The following C1QTNF3 variants were observed in gnomAD, a reference collection of about 807,000 sequenced individuals.
C1QTNF3 encodes C1q and TNF related 3.
Under a neutral mutation model 32.6 loss-of-function variants are expected in C1QTNF3, and 26 were observed. The observed-to-expected ratio is 0.80, with a 90% confidence interval of 0.58 to 1.11. The LOEUF (loss-of-function observed/expected upper bound fraction) is 1.11. Ranked by LOEUF, C1QTNF3 falls within the 50% of genes least tolerant of loss-of-function variation. The pLI, the probability that C1QTNF3 is intolerant of heterozygous loss-of-function variation, is 0.00. For synonymous variants in C1QTNF3, 155 were observed against 146.0 expected, an observed-to-expected ratio of 1.06 and a Z score of -0.44; for missense variants, 362 against 398.2, an observed-to-expected ratio of 0.91 and a Z score of 0.77.
At chr5:34,206,877 G>A in the C1QTNF3 span, among the ~76,000 whole-genome samples, 1 of 152,120 alleles carries the variant, frequency 6.6e-6, no homozygotes, top group African/African-American at 2.4e-5. Flanking sequence ...TTCTTGATGG[G>A]CATCTAAATG....
chr5:34,204,002 T>G, the C1QTNF3 span, among the ~76,000 whole-genome samples: 3 of 151,824 alleles, frequency 2.0e-5, no homozygotes, highest in African/African-American at 7.2e-5. Flanking sequence ...CATCCAACAC[T>G]AGACCACCAA....
chr5:34,029,341 T>C (rs1442808554), intron 3 of C1QTNF3, among the ~76,000 whole-genome samples: 3 of 152,054 alleles, frequency 2.0e-5, no homozygotes, highest in African/African-American at 7.2e-5. Flanking sequence ...GGTCTCACTA[T>C]GTTGCCTAGG....
At position 34,020,689 on chromosome 5, in the gene C1QTNF3, A is replaced by C; in HGVS notation, c.854T>G (p.Leu285Arg). The C allele has an allele frequency of 6.2e-7, 1 of 1,614,226 alleles. No homozygotes were observed. Among genetic ancestry groups the C allele is most frequent in the East Asian group, 2.2e-5 (1 of 44,884 alleles). ...DTSSNHAVLK[L>R]AKGDEVWLRM... ...CAGCCAAACCTCATCCCCTTTGGCT[A>C]GCTTCAGCACAGCATGATTGCTGGA... The change falls in exon 6 of 6, where the codon CTA becomes CGA. Residue 285 changes from leucine to arginine, a missense_variant. Leu to Arg is a moderately radical substitution (Grantham distance 102, BLOSUM62 -2). Coordinates refer to ENST00000382065, the MANE Select transcript of C1QTNF3 (RefSeq NM_181435.6).
At chr5:34,041,647 A>G (rs1013222394) in intron 1 of C1QTNF3, among the ~76,000 whole-genome samples, 1 of 152,188 alleles carries the variant, frequency 6.6e-6, no homozygotes, top group African/African-American at 2.4e-5. Flanking sequence ...GGTTTTCAAA[A>G]GATAGGATCA....
chr5:34,203,373 T>C, the C1QTNF3 span, among the ~76,000 whole-genome samples: 1 of 152,172 alleles, frequency 6.6e-6, no homozygotes, highest in African/African-American at 2.4e-5. Flanking sequence ...GAATTAAACA[T>C]TCCACTTAAA....
chr5:34,139,668 T>C, the C1QTNF3 span, among the ~76,000 whole-genome samples: 1 of 152,154 alleles, frequency 6.6e-6, no homozygotes, highest in African/African-American at 2.4e-5. Context: ...AATAAAATGA[T>C]AGAACTAATC....
the C1QTNF3 span, among the ~76,000 whole-genome samples, chr5:34,214,535 T>C: frequency 6.6e-6 from 1 of 151,870 alleles, no homozygotes; most frequent in Non-Finnish European, 1.5e-5. Flanking sequence ...TTGAATAAAC[T>C]TTTTTCATGA....
the C1QTNF3 span, among the ~76,000 whole-genome samples, chr5:34,109,722 C>T: frequency 2.6e-5 from 4 of 152,262 alleles, no homozygotes; most frequent in Admixed American, 6.5e-5. Flanking sequence ...GCTCCAGAGA[C>T]ATCCAGGTTC....
At chr5:34,141,915 G>C in the C1QTNF3 span, among the ~76,000 whole-genome samples, 4 of 152,050 alleles carry the variant, frequency 2.6e-5, no homozygotes, top group Non-Finnish European at 4.4e-5. Flanking sequence ...AGCCAGTCTT[G>C]TTGTCCCAGG....
the C1QTNF3 span, among the ~76,000 whole-genome samples, chr5:34,217,854 G>A: frequency 1.3e-5 from 2 of 152,076 alleles, no homozygotes; most frequent in Admixed American, 6.6e-5. Context: ...GGTATGATTC[G>A]TTTGTAGATG....
At chr5:34,138,030 C>T in the C1QTNF3 span, among the ~76,000 whole-genome samples, 2 of 152,196 alleles carry the variant, frequency 1.3e-5, no homozygotes, top group South Asian at 2.1e-4. Flanking sequence ...CAGACAGAGA[C>T]ACCAGACAAA....
At chr5:34,053,136 T>C in the C1QTNF3 span, among the ~76,000 whole-genome samples, 2 of 152,204 alleles carry the variant, frequency 1.3e-5, no homozygotes, top group African/African-American at 2.4e-5. Context: ...TTATAAAACC[T>C]TGAGTGTGCC....
the C1QTNF3 span, among the ~76,000 whole-genome samples, chr5:34,089,943 G>A: frequency 5.9e-5 from 9 of 152,162 alleles, no homozygotes; most frequent in African/African-American, 9.7e-5. Context: ...AGTTATGACG[G>A]AGCTGCATAT....
chr5:34,220,568 C>T, the C1QTNF3 span, among the ~76,000 whole-genome samples: 2 of 151,826 alleles, frequency 1.3e-5, no homozygotes, highest in Non-Finnish European at 2.9e-5. Context: ...GAAATACTTG[C>T]TCTAGGGAAG....
intron 3 of C1QTNF3, among the ~76,000 whole-genome samples, chr5:34,032,089 A>G (rs1754627200): frequency 6.6e-6 from 1 of 152,240 alleles, no homozygotes; most frequent in African/African-American, 2.4e-5. Context: ...TTTATCCACA[A>G]GTTACTTTTT....
the C1QTNF3 span, among the ~76,000 whole-genome samples, chr5:34,201,377 TA>T: frequency 1.3e-5 from 2 of 152,322 alleles, no homozygotes; most frequent in South Asian, 4.1e-4. Flanking sequence ...ACCAACTCTA[TA>T]AACATGTTTT....
At chr5:34,116,294 A>G in the C1QTNF3 span, among the ~76,000 whole-genome samples, 2 of 152,274 alleles carry the variant, frequency 1.3e-5, no homozygotes, top group East Asian at 3.9e-4. Context: ...GCACTTTAAA[A>G]AAGTATGCTT....
At chr5:34,236,284 G>A in the C1QTNF3 span, among the ~76,000 whole-genome samples, 1 of 151,868 alleles carries the variant, frequency 6.6e-6, no homozygotes, top group African/African-American at 2.4e-5. Flanking sequence ...GCCTGTACTC[G>A]GGATGCTGAG....
At chr5:34,083,299 G>T in the C1QTNF3 span, among the ~76,000 whole-genome samples, 1 of 151,450 alleles carries the variant, frequency 6.6e-6, no homozygotes, top group African/African-American at 2.4e-5. Flanking sequence ...TAGTAAAGGC[G>T]ATTTAATCCT....
Sources: allele counts gnomAD v4.1 joint callset (sites outside exome capture counted in the v4.1 genomes callset), GRCh38; gene constraint gnomAD v4.1.1; transcripts MANE v1.5; gene names NCBI Gene and HGNC (gene_info 2026-07-23, HGNC 2026-07-21).